The following DDHD1 variants were observed in gnomAD, a reference collection of about 807,000 sequenced individuals.
The protein encoded by DDHD1 is DDHD domain containing 1.
A neutral mutation model predicts 96.4 loss-of-function variants in DDHD1; 49 were observed. That is an observed-to-expected ratio of 0.51 (90% CI 0.40 to 0.64). The LOEUF (loss-of-function observed/expected upper bound fraction) is 0.64, where lower values mean the gene tolerates loss of function less well. Ranked by LOEUF, DDHD1 falls within the 30% of genes least tolerant of loss-of-function variation. The probability of loss-of-function intolerance (pLI) is 0.00; values close to 1 mark genes in which losing one functional copy is unlikely to be tolerated. For synonymous variants in DDHD1, 442 were observed against 446.5 expected, an observed-to-expected ratio of 0.99 and a Z score of 0.13; for missense variants, 1,106 against 1,161.2, an observed-to-expected ratio of 0.95 and a Z score of 0.69.
chr14:53,065,318 G>C (rs1026698678), intron 6 of DDHD1, among the ~76,000 whole-genome samples: 2 of 152,268 alleles, frequency 1.3e-5, no homozygotes, highest in East Asian at 3.9e-4. Flanking sequence ...ATGTAATTGA[G>C]AGAGTTCTAG....
chr14:53,151,252 A>T (rs1301604653), intron 1 of DDHD1, among the ~76,000 whole-genome samples: 1 of 152,246 alleles, frequency 6.6e-6, no homozygotes, highest in Non-Finnish European at 1.5e-5. Context: ...GAGGATCTAA[A>T]GGTTGTCACA....
At chr14:53,089,333 C>A (rs1321425323) in intron 4 of DDHD1, among the ~76,000 whole-genome samples, 1 of 152,074 alleles carries the variant, frequency 6.6e-6, no homozygotes, top group South Asian at 2.1e-4. Flanking sequence ...TCATATGGAA[C>A]CAAAAAAGAG....
At chr14:53,067,056 T>C (rs1308768218) in intron 6 of DDHD1, among the ~76,000 whole-genome samples, 1 of 151,660 alleles carries the variant, frequency 6.6e-6, no homozygotes, top group Admixed American at 6.6e-5. Flanking sequence ...ATTCCCAGGA[T>C]AGTATCAAGT....
At position 53,061,074 on chromosome 14, in the gene DDHD1, G is replaced by C. The variant is rs187682579; in HGVS notation, c.1842+52C>G. On this transcript the variant is annotated intron_variant, in intron 8 of 12. Coordinates refer to ENST00000673822, the MANE Select transcript of DDHD1 (RefSeq NM_001160148.2). The stretch of plus-strand genomic sequence containing the variant: ...ATCCTAAAGGCATATTTCACATGAC[G>C]TTAAAAAAAATACTGAGATCAATGT... The C allele has an allele frequency of 4.7e-6, 7 of 1,499,716 alleles. No homozygotes were observed. In the Admixed American group the frequency reaches 1.4e-4, roughly 30 times the overall value. 92.9% of individuals were successfully genotyped at this position (1,499,716 alleles called of 1,614,324 possible). A position where few individuals can be genotyped will look rare whatever the true frequency, so the allele number is the denominator to read the frequency against.
Position 53,096,098 on chromosome 14 carries a change from A to C in DDHD1, c.1013-2654T>G, listed in dbSNP as rs183537643. On this transcript the variant is annotated intron_variant, in intron 2 of 12. Transcript: ENST00000673822. ...CAGGAATATAACTACATGGAGAAAT[A>C]AAACTACAATTACTGTACCTTGGGA... is the stretch of plus-strand genomic sequence containing the variant. 34 of 970,402 alleles carry C rather than the reference A, an allele frequency of 3.5e-5. No homozygotes were observed. The African/African-American group carries it at 5.1e-4, about 15-fold the overall frequency. 60.1% of individuals were successfully genotyped at this position (970,402 alleles called of 1,614,324 possible).
At chr14:53,104,928 T>C (rs1887575444) in intron 1 of DDHD1, among the ~76,000 whole-genome samples, 1 of 152,028 alleles carries the variant, frequency 6.6e-6, no homozygotes, top group African/African-American at 2.4e-5. Flanking sequence ...AAATAAAATA[T>C]GGAGAAAAAG....
rs1881573499 is a variant in DDHD1 at position 53,040,485 on chromosome 14, G to C, written c.*6283C>G. The stretch of plus-strand genomic sequence containing the variant: ...CTGTAGGGCACAACTACTTGTTTCG[G>C]GTGAGCAAGATAACAAACGGATCAA... On this transcript the variant is annotated 3_prime_UTR_variant, in exon 13 of 13. Transcript: ENST00000673822. The C allele has an allele frequency of 6.6e-6, 1 of 152,142 alleles. No individual in the cohort carries two copies. Among genetic ancestry groups the C allele is most frequent in the Non-Finnish European group, 1.5e-5 (1 of 68,028 alleles). 9.4% of individuals were successfully genotyped at this position (152,142 alleles called of 1,614,324 possible). A position where few individuals can be genotyped will look rare whatever the true frequency, so the allele number is the denominator to read the frequency against.
intron 1 of DDHD1, among the ~76,000 whole-genome samples, chr14:53,116,403 C>A (rs1263885902): frequency 6.6e-6 from 1 of 152,180 alleles, no homozygotes; most frequent in African/African-American, 2.4e-5. Flanking sequence ...ACTCTCCACC[C>A]CAATCAACAG....
Position 53,054,587 on chromosome 14 carries a change from G to A in DDHD1, c.2288C>T (p.Ser763Leu). ...IGKGLGGMLF[S>L]RFGRSSTTQS... ...TGTTGTAGATGAACGTCCAAATCTT[G>A]AGAACAACATTCCTCCAAGTCCCTT... The change falls in exon 11 of 13, where the codon TCA becomes TTA. Residue 763 changes from serine (S) to leucine (L), a missense_variant. This residue lies in a region of DDHD1 where 650 missense variants were observed against 758.8 expected (regional missense o/e 0.86). Coordinates refer to ENST00000673822, the MANE Select transcript of DDHD1 (RefSeq NM_001160148.2). 2 of 1,614,030 alleles carry A rather than the reference G, an allele frequency of 1.2e-6. No individual in the cohort carries two copies. Among genetic ancestry groups the A allele is most frequent in the Non-Finnish European group, 1.7e-6 (2 of 1,179,964 alleles).
chr14:53,137,352 G>T (rs1387343303), intron 1 of DDHD1, among the ~76,000 whole-genome samples: 3 of 152,242 alleles, frequency 2.0e-5, no homozygotes, highest in African/African-American at 7.2e-5. Flanking sequence ...AACACTCTGG[G>T]AGGCTGAGGC....
intron 1 of DDHD1, among the ~76,000 whole-genome samples, chr14:53,111,143 A>G (rs1888071895): frequency 6.6e-6 from 1 of 152,156 alleles, no homozygotes; most frequent in Non-Finnish European, 1.5e-5. Context: ...ATGTGTGAGT[A>G]GGAATACATT....
In DDHD1 at chr14:53,091,852, T is replaced by C. The variant is rs758556887; in HGVS notation, c.1222A>G (p.Ile408Val). 16 of 1,613,884 alleles carry C rather than the reference T, an allele frequency of 9.9e-6. No homozygotes were observed. Among genetic ancestry groups the C allele is most frequent in the Non-Finnish European group, 1.1e-5 (13 of 1,179,866 alleles). ...CCAATGCCATGCACAACAAATACAA[T>C]ATGGGTAGTCTGTGATGGCTTGTCT... Reference protein sequence around the residue: ...LEDKPSQTTHIVFVVHGIGQK... With the variant: ...LEDKPSQTTHVVFVVHGIGQK... The change falls in exon 4 of 13, where the codon ATT becomes GTT. Residue 408 changes from isoleucine to valine, a missense_variant. Around this residue, in one of 2 missense-constraint regions of DDHD1, gnomAD observed 650 missense variants for 758.8 expected, o/e 0.86. Coordinates refer to ENST00000673822, the MANE Select transcript of DDHD1 (RefSeq NM_001160148.2).
At chr14:53,149,236 C>G (rs1484461390) in intron 1 of DDHD1, among the ~76,000 whole-genome samples, 1 of 152,182 alleles carries the variant, frequency 6.6e-6, no homozygotes, top group Non-Finnish European at 1.5e-5. Flanking sequence ...GTATAGCTAA[C>G]TTGTTGGCCT....
chr14:53,061,340 T>A (rs976285093), intron 7 of DDHD1, 139 bp from the exon 8 acceptor site: 8 of 603,464 alleles, frequency 1.3e-5, no homozygotes, highest in Non-Finnish European at 1.9e-5. Flanking sequence ...CAGTATTTAA[T>A]AAATGTCTCT....
At chr14:53,047,015 C>T in intron 12 of DDHD1, 66 bp from the exon 13 acceptor site, 1 of 1,282,896 alleles carries the variant, frequency 7.8e-7, no homozygotes, top group South Asian at 2.2e-5. Context: ...TATAGACTTA[C>T]TGGAGTTGAG....
chr14:53,050,514 T>G (rs1399262884), intron 12 of DDHD1, among the ~76,000 whole-genome samples: 1 of 152,098 alleles, frequency 6.6e-6, no homozygotes, highest in African/African-American at 2.4e-5. Flanking sequence ...AGTCCTTTAT[T>G]GTACCTATGT....
intron 7 of DDHD1, among the ~76,000 whole-genome samples, chr14:53,061,583 AT>A (rs916741041): frequency 2.8e-4 from 42 of 149,284 alleles, no homozygotes; most frequent in Admixed American, 2.1e-3. Context: ...ACCTACTTCA[AT>A]TTTTTTTTTG....
intron 1 of DDHD1, among the ~76,000 whole-genome samples, chr14:53,119,372 T>C (rs749967848): frequency 1.3e-5 from 2 of 152,030 alleles, no homozygotes; most frequent in Non-Finnish European, 2.9e-5. Flanking sequence ...GACTGGCAAA[T>C]TGGATAAAGA....
In DDHD1 at chr14:53,045,061, GAA is replaced by G. The variant is rs775268268; in HGVS notation, c.*1705_*1706del. On this transcript the variant is annotated 3_prime_UTR_variant, in exon 13 of 13. Transcript: ENST00000673822. ...ACTCCTCTTTTGTGTGAGAATCCAA[GAA>G]CATAGAAATCAAGCAGGGAAACACC... 1 of 152,150 alleles carries G rather than the reference GAA, an allele frequency of 6.6e-6. No individual in the cohort carries two copies. The highest frequency in any genetic ancestry group is 1.5e-5 in the Non-Finnish European group (1 of 68,036). 9.4% of individuals were successfully genotyped at this position (152,150 alleles called of 1,614,324 possible).
Sources: allele counts gnomAD v4.1 joint callset (sites outside exome capture counted in the v4.1 genomes callset), GRCh38; gene constraint gnomAD v4.1.1; regional missense constraint gnomAD v4.1.1; transcripts MANE v1.5; gene names NCBI Gene and HGNC (gene_info 2026-07-23, HGNC 2026-07-21).